The following KRIT1 variants were observed in gnomAD, a reference collection of about 807,000 sequenced individuals.
KRIT1 encodes the protein KRIT1 ankyrin repeat containing.
Under a neutral mutation model 95.8 loss-of-function variants are expected in KRIT1, and 45 were observed. The ratio of observed to expected loss-of-function variants is 0.47; its 90% CI spans 0.37 to 0.60. The LOEUF (loss-of-function observed/expected upper bound fraction) is 0.60. KRIT1 is among the 20% of genes least tolerant of loss of function. KRIT1 has a pLI of 0.00. For synonymous variants in KRIT1, 282 were observed against 278.8 expected, an observed-to-expected ratio of 1.01 and a Z score of -0.11; for missense variants, 788 against 877.5, an observed-to-expected ratio of 0.90 and a Z score of 1.29.
At chr7:92,208,935 A>G (rs1469328269) in intron 17 of KRIT1, among the ~76,000 whole-genome samples, 3 of 152,176 alleles carry the variant, frequency 2.0e-5, no homozygotes, top group Admixed American at 6.5e-5. Context: ...ATAGATGCAA[A>G]AATCACCCAC....
intron 10 of KRIT1, among the ~76,000 whole-genome samples, chr7:92,232,461 T>C (rs1563294941): frequency 6.6e-6 from 1 of 151,636 alleles, no homozygotes; most frequent in African/African-American, 2.4e-5. Flanking sequence ...TACAATGCCA[T>C]GCTTTTGTTT....
Position 92,234,618 on chromosome 7 carries a change from A to T in KRIT1, c.846-26T>A, listed in dbSNP as rs56777261. The stretch of plus-strand genomic sequence containing the variant: ...CTAATCATTAAAAAGAAATTTTGAA[A>T]AATACAACAGGACTGTAAAAATTGT... On this transcript the variant is annotated intron_variant, in intron 9 of 18. Transcript: ENST00000394505. 1.0e-3 allele frequency: 1,604 copies of T among 1,597,218 alleles called. 28 individuals carry two copies. The East Asian group carries it at 0.032, about 32-fold the overall frequency.
chr7:92,207,214 C>T (rs1011498455), intron 17 of KRIT1, among the ~76,000 whole-genome samples: 1 of 152,070 alleles, frequency 6.6e-6, no homozygotes, highest in African/African-American at 2.4e-5. Context: ...TATAGTCAAA[C>T]TGTCAAAACT....
At chr7:92,232,712 G>C (rs538872865) in intron 10 of KRIT1, among the ~76,000 whole-genome samples, 45 of 149,712 alleles carry the variant, frequency 3.0e-4, no homozygotes, top group African/African-American at 1.0e-3. Context: ...CCTTTTTTTT[G>C]AGATGGAGTC....
Position 92,222,674 on chromosome 7 carries a change from T to G in KRIT1, c.1411+148A>C, listed in dbSNP as rs183622259. ...GCAGGGACTTACCTGTTTCAGCAGT[T>G]TGAACACTAGTAATTTATATAAAAG... On this transcript the variant is annotated intron_variant, in intron 13 of 18. Coordinates refer to ENST00000394505, the MANE Select transcript of KRIT1 (RefSeq NM_194454.3). 2.2e-4 allele frequency: 141 copies of G among 628,914 alleles called. No homozygotes were observed. In the African/African-American group the frequency reaches 2.3e-3, roughly 10 times the overall value. The allele number at this position is 628,914 out of a possible 1,614,324, so 39.0% of individuals were successfully genotyped here.
intron 17 of KRIT1, chr7:92,206,955 A>G (rs551592221): frequency 6.8e-4 from 102 of 149,984 alleles, no homozygotes; most frequent in Non-Finnish European, 1.4e-3. Context: ...AAAAAAAAAA[A>G]GAAAGAAATC....
intron 10 of KRIT1, among the ~76,000 whole-genome samples, chr7:92,233,107 G>C (rs557582733): frequency 6.6e-6 from 1 of 151,192 alleles, no homozygotes. Context: ...AAAATTCCAT[G>C]TAATAAGAAA....
chr7:92,242,260 T>A (rs1180239760), intron 3 of KRIT1, 123 bp from the exon 4 acceptor site: 8 of 665,146 alleles, frequency 1.2e-5, no homozygotes, highest in Middle Eastern at 3.8e-4. Flanking sequence ...TCGAAAAAAT[T>A]AAAAAAAAAT....
intron 6 of KRIT1, among the ~76,000 whole-genome samples, chr7:92,237,419 G>C (rs1798657972): frequency 6.6e-6 from 1 of 152,066 alleles, no homozygotes; most frequent in Admixed American, 6.5e-5. Flanking sequence ...TTTCAATTAT[G>C]CCTTCCCTCC....
intron 14 of KRIT1, among the ~76,000 whole-genome samples, chr7:92,216,805 C>T (rs1794090949): frequency 1.3e-5 from 2 of 152,070 alleles, no homozygotes; most frequent in Non-Finnish European, 2.9e-5. Flanking sequence ...AGCCTATTTT[C>T]TAATAAAAAC....
intron 17 of KRIT1, among the ~76,000 whole-genome samples, chr7:92,208,393 AAAG>A (rs1792033113): frequency 6.6e-6 from 1 of 151,974 alleles, no homozygotes; most frequent in Non-Finnish European, 1.5e-5. Flanking sequence ...AAAAAAGAAA[AAAG>A]AAAAAAATTA....
In KRIT1 at chr7:92,237,063, T is replaced by C. The variant is rs1798586203; in HGVS notation, c.356-521A>G. 3.3e-5 allele frequency among the ~76,000 whole-genome samples: 5 copies of C among 152,058 alleles called. No homozygotes were observed. The South Asian group carries it at 1.0e-3, about 32-fold the overall frequency. ...AATTTTTCCAGCACCATGAAACAAG[T>C]GGGAGTAGATAGCAATATTGTCCCT... On this transcript the variant is annotated intron_variant, in intron 6 of 18. Coordinates refer to ENST00000394505, the MANE Select transcript of KRIT1 (RefSeq NM_194454.3).
At chr7:92,232,172 C>A (rs1223471261) in intron 10 of KRIT1, among the ~76,000 whole-genome samples, 1 of 152,196 alleles carries the variant, frequency 6.6e-6, no homozygotes, top group Non-Finnish European at 1.5e-5. Context: ...CAGTCATCTG[C>A]CCTTCTTGGC....
intron 5 of KRIT1, among the ~76,000 whole-genome samples, chr7:92,238,859 A>G (rs56329251): frequency 0.013 from 2,044 of 152,306 alleles, 17 homozygotes; most frequent in Non-Finnish European, 0.021. Flanking sequence ...CATTTTATAG[A>G]TGTGAAAATC....
intron 14 of KRIT1, among the ~76,000 whole-genome samples, chr7:92,216,206 G>C (rs1202815557): frequency 6.8e-6 from 1 of 146,466 alleles, no homozygotes; most frequent in Non-Finnish European, 1.5e-5. Flanking sequence ...TCCAGCCTGG[G>C]TGACAGAAAG....
At chr7:92,233,627 G>C (rs999488193) in intron 10 of KRIT1, among the ~76,000 whole-genome samples, 2 of 151,600 alleles carry the variant, frequency 1.3e-5, no homozygotes, top group East Asian at 1.9e-4. Context: ...GGATGGTCTT[G>C]ATCTCCTGAC....
intron 10 of KRIT1, among the ~76,000 whole-genome samples, chr7:92,231,646 TAAGAG>T (rs1797315589): frequency 6.6e-6 from 1 of 152,186 alleles, no homozygotes; most frequent in South Asian, 2.1e-4. Flanking sequence ...AATTAGTGAA[TAAGAG>T]TATACTTCCA....
chr7:92,222,083 T>C, intron 13 of KRIT1, 30 bp from the exon 14 acceptor site: 1 of 1,586,420 alleles, frequency 6.3e-7, no homozygotes. Flanking sequence ...TTATAAATGA[T>C]AATGTAAAAA....
rs749565503 is a variant in KRIT1 at position 92,234,468 on chromosome 7, G to A, written c.970C>T (p.Pro324Ser). 8 of 1,607,032 alleles carry A rather than the reference G, an allele frequency of 5.0e-6. No homozygotes were observed. Among genetic ancestry groups the A allele is most frequent in the African/African-American group, 2.7e-5 (2 of 74,758 alleles). ...ATTTACCAGCATGCATAATGAATGGGTGCCCAGTGGTCACTATCTAACTGG... is the reference window on the plus strand; with the variant it reads ...ATTTACCAGCATGCATAATGAATGGATGCCCAGTGGTCACTATCTAACTGG... ...VNQLDSDHWA[P>S]IHYACWYGKV... Residue 324 changes from proline (P) to serine (S), a missense_variant, in exon 10 of 19, where the codon CCC becomes TCC. Physicochemically the swap from Pro to Ser is moderately conservative, Grantham distance 74 (BLOSUM62 -1). Coordinates refer to ENST00000394505, the MANE Select transcript of KRIT1 (RefSeq NM_194454.3).
Sources: gnomAD v4.1 joint callset for allele counts (sites outside exome capture counted in the v4.1 genomes callset) on GRCh38, gnomAD v4.1.1 for gene constraint, MANE v1.5 for transcripts, NCBI Gene and HGNC (gene_info 2026-07-23, HGNC 2026-07-21) for gene names.